The following MAP2K1 variants were observed in gnomAD, a reference collection of about 807,000 sequenced individuals.
MAP2K1 encodes the protein dual specificity mitogen-activated protein kinase kinase 1.
Under a neutral mutation model 46.3 loss-of-function variants are expected in MAP2K1, and 16 were observed. The ratio of observed to expected loss-of-function variants is 0.35; its 90% CI spans 0.23 to 0.52. MAP2K1 has a LOEUF of 0.52. MAP2K1 is among the 20% of genes least tolerant of loss of function. The pLI, the probability that MAP2K1 is intolerant of heterozygous loss-of-function variation, is 0.94. For missense variants in MAP2K1, 263 were observed against 497.1 expected (o/e 0.53, Z 4.48); for synonymous variants, 183 against 185.6 (o/e 0.99, Z 0.11).
intron 1 of MAP2K1, among the ~76,000 whole-genome samples, chr15:66,420,137 G>C (rs1321466074): frequency 6.6e-6 from 1 of 152,078 alleles, no homozygotes; most frequent in Non-Finnish European, 1.5e-5. Flanking sequence ...CCAGCTACTC[G>C]GGAGGCTGAG....
Position 66,475,474 on chromosome 15 carries a change from C to T in MAP2K1, c.569-6281C>T, listed in dbSNP as rs575710454. ...TCAGCAGCCCCTTGCTCCTTCCTTC[C>T]ACCTCTTCTCTTTCTTTTGGGCTCC... On this transcript the variant is annotated intron_variant, in intron 5 of 10. Transcript: ENST00000307102. Among the ~76,000 whole-genome samples the T allele has an allele frequency of 2.0e-5, 3 of 152,200 alleles. No individual in the cohort carries two copies. The East Asian group carries it at 5.8e-4, about 29-fold the overall frequency.
rs757254963 is a variant in MAP2K1, at chr15:66,436,819, A to G, written c.365A>G (p.Asn122Ser). ...GAGCTGCAGGTTCTGCATGAGTGCAACTCTCCGTACATCGTGGGCTTCTAT... is the reference window on the plus strand; with the variant it reads ...GAGCTGCAGGTTCTGCATGAGTGCAGCTCTCCGTACATCGTGGGCTTCTAT... ...IRELQVLHEC[N>S]SPYIVGFYGA... is the part of the protein sequence containing the mutation. The change falls in exon 3 of 11, where the codon AAC (asparagine) becomes AGC (serine). Residue 122 changes from asparagine (N) to serine (S), a missense_variant. Around this residue, in one of 4 missense-constraint regions of MAP2K1, gnomAD observed 103 missense variants for 221.6 expected, o/e 0.46. Transcript: ENST00000307102. 1.2e-6 allele frequency: 2 copies of G among 1,613,926 alleles called. No individual in the cohort carries two copies. Among genetic ancestry groups the G allele is most frequent in the Non-Finnish European group, 1.7e-6 (2 of 1,179,958 alleles).
At chr15:66,401,131 G>T (rs1180720080) in intron 1 of MAP2K1, among the ~76,000 whole-genome samples, 2 of 152,042 alleles carry the variant, frequency 1.3e-5, no homozygotes, top group Non-Finnish European at 2.9e-5. Flanking sequence ...ATAGGATCTG[G>T]CTAAGCAAAT....
At chr15:66,415,949 G>A (rs1400200153) in intron 1 of MAP2K1, among the ~76,000 whole-genome samples, 1 of 151,944 alleles carries the variant, frequency 6.6e-6, no homozygotes, top group Admixed American at 6.6e-5. Context: ...AGTTTTTTTA[G>A]GCCTGGTAAT....
intron 4 of MAP2K1, among the ~76,000 whole-genome samples, chr15:66,444,332 G>A (rs944161197): frequency 1.3e-5 from 2 of 150,548 alleles, no homozygotes; most frequent in African/African-American, 2.4e-5. Flanking sequence ...TCAGGAGTTC[G>A]AGACTAGCCC....
intron 1 of MAP2K1, among the ~76,000 whole-genome samples, chr15:66,430,908 G>A (rs1238397527): frequency 6.6e-6 from 1 of 152,132 alleles, no homozygotes; most frequent in Non-Finnish European, 1.5e-5. Flanking sequence ...GACAACCCTT[G>A]TTTTTCTCTG....
Position 66,434,180 on chromosome 15 carries a change from A to C in MAP2K1, c.81-847A>C, listed in dbSNP as rs182138124. ...CTAGTTAAAAGCTGTGGAAAGACTT[A>C]TAAGTCCAAGTCACTAAAACACATT... On this transcript the variant is annotated intron_variant, in intron 1 of 10. Transcript: ENST00000307102. Among the ~76,000 whole-genome samples the C allele has an allele frequency of 5.3e-5, 8 of 152,356 alleles. No individual in the cohort carries two copies. The East Asian group carries it at 1.5e-3, about 29-fold the overall frequency.
chr15:66,390,109 TC>T (rs1454420523), intron 1 of MAP2K1, among the ~76,000 whole-genome samples: 1 of 152,158 alleles, frequency 6.6e-6, no homozygotes, highest in Non-Finnish European at 1.5e-5. Context: ...TGCCTTTGCT[TC>T]TGGACAATCA....
chr15:66,387,173 A>T lies in MAP2K1; in HGVS notation c.-175A>T. The T allele has an allele frequency of 2.0e-6, 1 of 500,268 alleles. No individual in the cohort carries two copies. 31.0% of individuals were successfully genotyped at this position (500,268 alleles called of 1,614,324 possible). ...GCGGGTGGGGCGGGGGTCCACTGAG[A>T]CCGCTACCGGCCCCTCGGCGCTGAC... On this transcript the variant is annotated 5_prime_UTR_variant, in exon 1 of 11. Transcript: ENST00000307102.
intron 1 of MAP2K1, among the ~76,000 whole-genome samples, chr15:66,403,239 A>G (rs2093386743): frequency 1.3e-5 from 2 of 152,216 alleles, no homozygotes; most frequent in South Asian, 4.1e-4. Flanking sequence ...AAGTTTACCC[A>G]ACATTAAATT....
intron 1 of MAP2K1, among the ~76,000 whole-genome samples, chr15:66,410,107 C>T (rs991314853): frequency 2.6e-5 from 4 of 152,192 alleles, no homozygotes; most frequent in African/African-American, 4.8e-5. Context: ...GACCTGCATC[C>T]GGATCCGTTG....
At chr15:66,471,821 A>G (rs936261813) in intron 5 of MAP2K1, among the ~76,000 whole-genome samples, 3 of 152,196 alleles carry the variant, frequency 2.0e-5, no homozygotes, top group Admixed American at 2.0e-4. Context: ...GGCTCACCCT[A>G]TAATCCCAGC....
In MAP2K1 at chr15:66,420,765, GTGTATATATATGTGTA is replaced by G. The variant is rs1567003040; in HGVS notation, c.81-14260_81-14245del. On this transcript the variant is annotated intron_variant, in intron 1 of 10. Transcript: ENST00000307102. ...TGTGTGTGTGTGTGTGTGTGTATGT[GTGTATATATATGTGTA>G]TATATATGTGTGTATATATATGTGT... Among the ~76,000 whole-genome samples the G allele has an allele frequency of 3.5e-4, 12 of 34,034 alleles. 2 individuals carry two copies. The highest frequency in any genetic ancestry group is 9.5e-4 in the East Asian group (1 of 1,058). The allele number at this position is 34,034 out of a possible 152,430, so 22.3% of individuals were successfully genotyped here.
intron 1 of MAP2K1, among the ~76,000 whole-genome samples, chr15:66,390,751 G>T (rs891132960): frequency 1.3e-5 from 2 of 151,986 alleles, no homozygotes; most frequent in African/African-American, 4.8e-5. Context: ...TCCTTATATT[G>T]GACTATGAGA....
rs561180912 is a variant in MAP2K1, at chr15:66,420,843, GTGTA to G, written c.81-14182_81-14179del. 6.2e-4 allele frequency among the ~76,000 whole-genome samples: 75 copies of G among 121,614 alleles called. 9 individuals are homozygous for G. Among genetic ancestry groups the G allele is most frequent in the East Asian group, 6.1e-3 (28 of 4,610 alleles). 79.8% of individuals were successfully genotyped at this position (121,614 alleles called of 152,430 possible). A position where few individuals can be genotyped will look rare whatever the true frequency, so the allele number is the denominator to read the frequency against. ...TATATATATATGTGTATATATATGT[GTGTA>G]TATATATGTGTGTATATATATGTGT... On this transcript the variant is annotated intron_variant, in intron 1 of 10. Coordinates refer to ENST00000307102, the MANE Select transcript of MAP2K1 (RefSeq NM_002755.4).
At position 66,415,458 on chromosome 15, in the gene MAP2K1, C is replaced by T. The variant is rs143468425; in HGVS notation, c.81-19569C>T. On this transcript the variant is annotated intron_variant, in intron 1 of 10. Transcript: ENST00000307102. ...TCTTTGTGATGTGGTAAGTCAGATC[C>T]CTCTGGATGCCCAGCCAGAAACCTG... Among the ~76,000 whole-genome samples the T allele has an allele frequency of 1.4e-3, 212 of 152,310 alleles. 1 individual carries two copies. Among genetic ancestry groups the T allele is most frequent in the African/African-American group, 4.7e-3 (195 of 41,552 alleles).
chr15:66,414,828 C>A, intron 1 of MAP2K1: 1 of 208,142 alleles, frequency 4.8e-6, no homozygotes, highest in Non-Finnish European at 9.7e-6. Flanking sequence ...GAGGTTAATT[C>A]CCATTAGGAT....
intron 5 of MAP2K1, among the ~76,000 whole-genome samples, chr15:66,461,476 CTAAATAAATAAA>C (rs10641341): frequency 6.8e-4 from 96 of 140,188 alleles, no homozygotes; most frequent in Middle Eastern, 3.5e-3. Context: ...GACTCTGTCT[CTAAATAAATAAA>C]TAAATAAATA....
At chr15:66,470,564 C>G (rs953041018) in intron 5 of MAP2K1, among the ~76,000 whole-genome samples, 4 of 152,188 alleles carry the variant, frequency 2.6e-5, no homozygotes, top group Non-Finnish European at 5.9e-5. Context: ...AGGAGTTGTA[C>G]AGCAAAATAA....
Sources: allele counts gnomAD v4.1 joint callset (sites outside exome capture counted in the v4.1 genomes callset), GRCh38; gene constraint gnomAD v4.1.1; regional missense constraint gnomAD v4.1.1; transcripts MANE v1.5; gene names NCBI Gene and HGNC (gene_info 2026-07-23, HGNC 2026-07-21).